Variants in KIF11 observed in about 807,000 individuals in gnomAD.
KIF11 encodes the protein kinesin-like protein KIF11.
In KIF11, 9 loss-of-function variants were observed where a neutral mutation model predicts 121.0. The ratio of observed to expected loss-of-function variants is 0.07; its 90% CI spans 0.04 to 0.13. The LOEUF is 0.13. Ranked by LOEUF, KIF11 falls within the 10% of genes least tolerant of loss-of-function variation. KIF11 has a pLI of 1.00. For missense variants in KIF11, 846 were observed against 1,217.5 expected, an observed-to-expected ratio of 0.69 and a Z score of 4.54; for synonymous variants, 408 against 421.0, an observed-to-expected ratio of 0.97 and a Z score of 0.38.
At chr10:92,615,315 A>C (rs1290096189) in intron 8 of KIF11, among the ~76,000 whole-genome samples, 1 of 151,988 alleles carries the variant, frequency 6.6e-6, no homozygotes, top group Non-Finnish European at 1.5e-5. Context: ...CTGAGGCGGG[A>C]GAGTTGCTTG....
At chr10:92,611,460 C>T (rs1296114595) in intron 6 of KIF11, among the ~76,000 whole-genome samples, 1 of 151,972 alleles carries the variant, frequency 6.6e-6, no homozygotes, top group Admixed American at 6.6e-5. Flanking sequence ...GATCCGTCCA[C>T]CTCGGCTTCC....
At chr10:92,642,021 T>C (rs756664220) in intron 17 of KIF11, among the ~76,000 whole-genome samples, 5 of 152,202 alleles carry the variant, frequency 3.3e-5, no homozygotes, top group East Asian at 1.9e-4. Context: ...CCTTGTTTCT[T>C]AGCTAGGATT....
In KIF11 at chr10:92,618,356, G is replaced by T. The variant is rs1451725621; in HGVS notation, c.1128+1524G>T. 4.0e-5 allele frequency among the ~76,000 whole-genome samples: 6 copies of T among 150,818 alleles called. No homozygotes were observed. The Admixed American group carries it at 4.0e-4, about 10-fold the overall frequency. The stretch of plus-strand genomic sequence containing the variant: ...ATGCAGTTATAAGAAATAATACAGA[G>T]AAAACAGGCCAGGCACGGTGGCTCA... On this transcript the variant is annotated intron_variant, in intron 9 of 21. Coordinates refer to ENST00000260731, the MANE Select transcript of KIF11 (RefSeq NM_004523.4).
chr10:92,609,303 A>AGTGAGTGT (rs1554859641), intron 5 of KIF11, 82 bp from the exon 6 acceptor site: 174 of 382,564 alleles, frequency 4.5e-4, no homozygotes, highest in Admixed American at 4.6e-4. Flanking sequence ...AGAGAGAGAG[A>AGTGAGTGT]GTGTGTGTGT....
In KIF11 at chr10:92,606,729, G is replaced by A. The variant is rs201414725; in HGVS notation, c.308+13G>A. On this transcript the variant is annotated intron_variant, in intron 3 of 21. Coordinates refer to ENST00000260731, the MANE Select transcript of KIF11 (RefSeq NM_004523.4). Reference sequence around the variant, plus strand: ...GCACTATCTTTGCGTAAGTAAAAGGGTGTTTTTTCTGATTTATGAAAAAGC... The same window carrying A: ...GCACTATCTTTGCGTAAGTAAAAGGATGTTTTTTCTGATTTATGAAAAAGC... The A allele has an allele frequency of 1.3e-3, 1,598 of 1,232,304 alleles. 2 individuals are homozygous for A. Among genetic ancestry groups the A allele is most frequent in the Non-Finnish European group, 1.5e-3 (1,310 of 845,994 alleles). 76.3% of individuals were successfully genotyped at this position (1,232,304 alleles called of 1,614,324 possible).
Position 92,639,813 on chromosome 10 carries a change from A to G in KIF11, c.2180A>G (p.Asn727Ser). 1 of 1,609,118 alleles carries G rather than the reference A, an allele frequency of 6.2e-7. No individual in the cohort carries two copies. The highest frequency in any genetic ancestry group is 2.2e-5 in the East Asian group (1 of 44,716). ...THSQELCKLM[N>S]LWTERFCALE... ...TTACAGGAACTTTGCAAGTTAATGA[A>G]TCTTTGGACAGAGAGATTCTGTGCT... Residue 727 changes from asparagine (N) to serine (S), a missense_variant, in exon 17 of 22, where the codon AAT becomes AGT. By Grantham distance (46) the Asn-to-Ser change is conservative. Around this residue, in one of 5 missense-constraint regions of KIF11, gnomAD observed 492 missense variants for 603.4 expected, o/e 0.82. Coordinates refer to ENST00000260731, the MANE Select transcript of KIF11 (RefSeq NM_004523.4).
intron 21 of KIF11, among the ~76,000 whole-genome samples, chr10:92,651,961 CT>C (rs36000362): frequency 0.2 from 20,862 of 102,262 alleles, 1,982 homozygotes; most frequent in Admixed American, 0.25. Context: ...ATGCTTGTAC[CT>C]TTTTTTTTTT....
At chr10:92,607,328 G>T in intron 4 of KIF11, 91 bp downstream of exon 4, 1 of 703,304 alleles carries the variant, frequency 1.4e-6, no homozygotes, top group Non-Finnish European at 2.5e-6. Context: ...TTGGAATAGA[G>T]ATCAGAGTAC....
chr10:92,614,504 T>C (rs1564707022), intron 8 of KIF11, among the ~76,000 whole-genome samples: 1 of 152,204 alleles, frequency 6.6e-6, no homozygotes, highest in Non-Finnish European at 1.5e-5. Flanking sequence ...GGCAGAGTTT[T>C]TAACCTTAAA....
At chr10:92,639,184 T>A (rs1844838658) in intron 16 of KIF11, among the ~76,000 whole-genome samples, 1 of 152,216 alleles carries the variant, frequency 6.6e-6, no homozygotes, top group East Asian at 1.9e-4. Flanking sequence ...TCTGTCAAAG[T>A]GGGTCTTAAA....
intron 10 of KIF11, among the ~76,000 whole-genome samples, chr10:92,624,834 A>G (rs894108624): frequency 6.0e-5 from 9 of 151,198 alleles, no homozygotes; most frequent in Non-Finnish European, 1.2e-4. Context: ...CAGTGGCACA[A>G]TCTCGGCTCA....
intron 18 of KIF11, among the ~76,000 whole-genome samples, chr10:92,647,771 C>T (rs147373388): frequency 6.6e-6 from 1 of 152,046 alleles, no homozygotes. Context: ...GTAATGAATA[C>T]AAGGGAGTTA....
At chr10:92,646,015 G>A (rs933958641) in intron 18 of KIF11, among the ~76,000 whole-genome samples, 3 of 144,020 alleles carry the variant, frequency 2.1e-5, no homozygotes, top group East Asian at 2.1e-4. Flanking sequence ...GCAATGGCAC[G>A]ATCTCAGCTC....
Position 92,593,242 on chromosome 10 carries a change from G to GTAGAT in KIF11, c.-134_-133insTAGAT. The GTAGAT allele has an allele frequency of 3.9e-6, 3 of 763,394 alleles. No homozygotes were observed. Among genetic ancestry groups the GTAGAT allele is most frequent in the African/African-American group, 1.8e-5 (1 of 56,134 alleles). 47.3% of individuals were successfully genotyped at this position (763,394 alleles called of 1,614,324 possible). ...AGAGAGCGGGGACGCCGACCTGCGT[G>GTAGAT]CGTCGGTCCTCCAGGCCACGCCAGC... is the stretch of plus-strand genomic sequence containing the variant. On this transcript the variant is annotated 5_prime_UTR_variant, in exon 1 of 22. Transcript: ENST00000260731.
intron 10 of KIF11, among the ~76,000 whole-genome samples, chr10:92,626,997 C>T (rs917778224): frequency 5.9e-5 from 9 of 152,158 alleles, no homozygotes; most frequent in African/African-American, 1.4e-4. Flanking sequence ...CTGCTGACTT[C>T]GTGATCTTCC....
chr10:92,605,113 G>A (rs1424671868), intron 1 of KIF11, among the ~76,000 whole-genome samples: 1 of 152,158 alleles, frequency 6.6e-6, no homozygotes, highest in African/African-American at 2.4e-5. Flanking sequence ...GTTGGAGCAG[G>A]TGGGGGAGGC....
intron 18 of KIF11, 22 bp from the exon 19 acceptor site, chr10:92,648,190 T>C: frequency 6.9e-7 from 1 of 1,444,290 alleles, no homozygotes; most frequent in Non-Finnish European, 9.5e-7. Context: ...TAGTAATAAA[T>C]ATTTATTTGC....
At chr10:92,635,649 CAT>C (rs1459850644) in intron 14 of KIF11, among the ~76,000 whole-genome samples, 2 of 152,300 alleles carry the variant, frequency 1.3e-5, no homozygotes, top group East Asian at 1.9e-4. Flanking sequence ...TAGTTACCAA[CAT>C]GTGATGCAGA....
chr10:92,601,001 A>G (rs1019709767), intron 1 of KIF11, among the ~76,000 whole-genome samples: 1 of 150,876 alleles, frequency 6.6e-6, no homozygotes. Context: ...CTGGGATTAC[A>G]TGCACATGCC....
Sources: gnomAD v4.1 joint callset for allele counts (sites outside exome capture counted in the v4.1 genomes callset) on GRCh38, gnomAD v4.1.1 for gene constraint, gnomAD v4.1.1 regional missense constraint, MANE v1.5 for transcripts, NCBI Gene and HGNC (gene_info 2026-07-23, HGNC 2026-07-21) for gene names.